The following EXOC4 variants were observed in gnomAD, a reference collection of about 807,000 sequenced individuals.
EXOC4 encodes exocyst complex component 4, also known as SEC8-like 1.
Under a neutral mutation model 107.2 loss-of-function variants are expected in EXOC4, and 71 were observed. The ratio of observed to expected loss-of-function variants is 0.66; its 90% CI spans 0.55 to 0.81. The LOEUF is 0.81. EXOC4 is among the 30% of genes least tolerant of loss of function. The probability of loss-of-function intolerance (pLI) is 0.00; values close to 1 mark genes in which losing one functional copy is unlikely to be tolerated. For missense variants in EXOC4, 1,108 were observed against 1,189.6 expected, an observed-to-expected ratio of 0.93 and a Z score of 1.01; for synonymous variants, 456 against 441.2, an observed-to-expected ratio of 1.03 and a Z score of -0.42.
chr7:133,806,040 G>A (rs1266400706), intron 10 of EXOC4, among the ~76,000 whole-genome samples: 1 of 152,192 alleles, frequency 6.6e-6, no homozygotes, highest in East Asian at 1.9e-4. Context: ...CATAGCATGT[G>A]CTAAGTGGGT....
intron 10 of EXOC4, among the ~76,000 whole-genome samples, chr7:133,677,396 C>G (rs1439184847): frequency 6.6e-6 from 1 of 151,998 alleles, no homozygotes; most frequent in Non-Finnish European, 1.5e-5. Context: ...CAAGGCCATG[C>G]TAATCTCACC....
intron 9 of EXOC4, among the ~76,000 whole-genome samples, chr7:133,497,422 G>A (rs1334187053): frequency 1.3e-5 from 2 of 150,644 alleles, no homozygotes; most frequent in Non-Finnish European, 3.0e-5. Context: ...CCAACTCTCT[G>A]TCAGTGTTTT....
intron 10 of EXOC4, among the ~76,000 whole-genome samples, chr7:133,685,181 G>A (rs1437909896): frequency 2.0e-5 from 3 of 152,058 alleles, no homozygotes; most frequent in South Asian, 2.1e-4. Flanking sequence ...CAGGCTTTGC[G>A]TCCCCACCCA....
intron 7 of EXOC4, among the ~76,000 whole-genome samples, chr7:133,460,388 C>T (rs181792033): frequency 6.6e-6 from 1 of 152,274 alleles, no homozygotes; most frequent in Non-Finnish European, 1.5e-5. Flanking sequence ...CACAGGAACC[C>T]TTGCGCTAGA....
At chr7:133,569,946 C>G (rs1027742065) in intron 9 of EXOC4, among the ~76,000 whole-genome samples, 1 of 152,172 alleles carries the variant, frequency 6.6e-6, no homozygotes, top group African/African-American at 2.4e-5. Context: ...ACTTGTCTTT[C>G]TGTTCGCCAC....
intron 11 of EXOC4, among the ~76,000 whole-genome samples, chr7:133,838,447 T>G (rs1297797392): frequency 6.6e-6 from 1 of 152,208 alleles, no homozygotes; most frequent in Non-Finnish European, 1.5e-5. Flanking sequence ...TAAAAATCTT[T>G]GCAAGCAGCC....
At chr7:133,940,354 T>G (rs1269904988) in intron 14 of EXOC4, among the ~76,000 whole-genome samples, 1 of 152,238 alleles carries the variant, frequency 6.6e-6, no homozygotes, top group Non-Finnish European at 1.5e-5. Flanking sequence ...GTCTAATTCA[T>G]GCCTATAATC....
intron 17 of EXOC4, among the ~76,000 whole-genome samples, chr7:134,018,160 C>T (rs1247783924): frequency 6.6e-6 from 1 of 152,160 alleles, no homozygotes; most frequent in African/African-American, 2.4e-5. Flanking sequence ...TTGCATTGTA[C>T]TGAAAAGATA....
At chr7:133,401,679 A>G (rs1213344944) in intron 7 of EXOC4, among the ~76,000 whole-genome samples, 1 of 151,358 alleles carries the variant, frequency 6.6e-6, no homozygotes, top group Non-Finnish European at 1.5e-5. Context: ...AAAAAGATAA[A>G]TCATCACTCT....
intron 7 of EXOC4, among the ~76,000 whole-genome samples, chr7:133,436,111 T>G (rs913983472): frequency 3.3e-5 from 5 of 151,914 alleles, no homozygotes; most frequent in African/African-American, 1.2e-4. Flanking sequence ...TTCAAGAAAT[T>G]GGTGATCTTG....
intron 7 of EXOC4, among the ~76,000 whole-genome samples, chr7:133,455,264 A>T (rs752933381): frequency 1.6e-4 from 25 of 152,136 alleles, no homozygotes; most frequent in Non-Finnish European, 3.2e-4. Context: ...ATTTCATCAC[A>T]TTACTCAGAG....
chr7:133,347,498 T>A (rs934051467), intron 5 of EXOC4, among the ~76,000 whole-genome samples: 30 of 152,150 alleles, frequency 2.0e-4, no homozygotes, highest in African/African-American at 7.2e-4. Context: ...TGCCTCAGCC[T>A]CCCAAAGTGC....
At chr7:133,424,855 G>A (rs957305250) in intron 7 of EXOC4, among the ~76,000 whole-genome samples, 4 of 152,182 alleles carry the variant, frequency 2.6e-5, no homozygotes, top group Non-Finnish European at 5.9e-5. Context: ...AAAATGTTTA[G>A]CCTGTGACTT....
At chr7:133,477,414 C>A (rs1007351169) in intron 8 of EXOC4, among the ~76,000 whole-genome samples, 2 of 152,154 alleles carry the variant, frequency 1.3e-5, no homozygotes, top group Non-Finnish European at 2.9e-5. Context: ...CAGTGTGTAG[C>A]CTTTTCAGAA....
At chr7:134,030,125 G>A (rs1795236312) in intron 17 of EXOC4, among the ~76,000 whole-genome samples, 1 of 152,308 alleles carries the variant, frequency 6.6e-6, no homozygotes, top group South Asian at 2.1e-4. Flanking sequence ...TAGCACAGTA[G>A]ACCTCAGTAA....
At chr7:133,701,827 CTTTGT>C (rs1794661985) in intron 10 of EXOC4, among the ~76,000 whole-genome samples, 1 of 151,966 alleles carries the variant, frequency 6.6e-6, no homozygotes, top group Non-Finnish European at 1.5e-5. Flanking sequence ...CTGAAGGTAA[CTTTGT>C]ATAATATTTG....
chr7:133,890,578 T>C (rs1370884358), intron 11 of EXOC4, among the ~76,000 whole-genome samples: 3 of 133,150 alleles, frequency 2.3e-5, no homozygotes, highest in Admixed American at 2.2e-4. Context: ...AAATCTTTAA[T>C]CCATCTTGAA....
chr7:133,583,666 A>G (rs546841492), intron 9 of EXOC4, among the ~76,000 whole-genome samples: 37 of 152,332 alleles, frequency 2.4e-4, no homozygotes, highest in Non-Finnish European at 4.6e-4. Context: ...CATGTCTAGG[A>G]GAAAAAAAAG....
intron 17 of EXOC4, among the ~76,000 whole-genome samples, chr7:134,046,479 A>T (rs1190357291): frequency 6.6e-6 from 1 of 151,850 alleles, no homozygotes; most frequent in East Asian, 1.9e-4. Context: ...TAAAAAAAAA[A>T]ACAAAAAAAG....
Sources: allele counts gnomAD v4.1 joint callset (sites outside exome capture counted in the v4.1 genomes callset), GRCh38; gene constraint gnomAD v4.1.1; transcripts MANE v1.5; gene names NCBI Gene and HGNC (gene_info 2026-07-23, HGNC 2026-07-21).